Variants in RANBP2 observed in about 807,000 individuals in gnomAD.
The protein encoded by RANBP2 is E3 SUMO-protein ligase RanBP2.
A neutral mutation model predicts 303.6 loss-of-function variants in RANBP2; 57 were observed. That is an observed-to-expected ratio of 0.19 (90% CI 0.15 to 0.23). The LOEUF (loss-of-function observed/expected upper bound fraction) is 0.23. Ranked by LOEUF, RANBP2 falls within the 10% of genes least tolerant of loss-of-function variation. RANBP2 has a pLI of 1.00. For synonymous variants in RANBP2, 1,167 were observed against 1,301.5 expected, an observed-to-expected ratio of 0.90 and a Z score of 2.23; for missense variants, 3,138 against 3,780.8, an observed-to-expected ratio of 0.83 and a Z score of 4.46.
At chr2:108,831,543 C>T in the RANBP2 span, among the ~76,000 whole-genome samples, 1 of 152,080 alleles carries the variant, frequency 6.6e-6, no homozygotes, top group Non-Finnish European at 1.5e-5. Flanking sequence ...TAGGAAAAGA[C>T]AGTGTTTGCT....
chr2:109,459,279 TAC>T, the RANBP2 span, among the ~76,000 whole-genome samples: 1 of 151,770 alleles, frequency 6.6e-6, no homozygotes, highest in South Asian at 2.1e-4. Context: ...AGGAAATACT[TAC>T]AACAGTTACA....
At chr2:109,603,337 C>T in the RANBP2 span, among the ~76,000 whole-genome samples, 4 of 151,986 alleles carry the variant, frequency 2.6e-5, no homozygotes, top group African/African-American at 7.2e-5. Context: ...TGGGTTCACG[C>T]CATTCTCCTG....
chr2:109,229,703 A>G, the RANBP2 span, among the ~76,000 whole-genome samples: 7 of 152,210 alleles, frequency 4.6e-5, no homozygotes, highest in African/African-American at 1.7e-4. Flanking sequence ...GACTACATCT[A>G]GGTACCTCGT....
chr2:109,128,615 G>C, the RANBP2 span: 1 of 154,562 alleles, frequency 6.5e-6, no homozygotes, highest in East Asian at 1.9e-4. Flanking sequence ...CGCGCTTCTC[G>C]GAAAGGAGTC....
intron 19 of RANBP2, among the ~76,000 whole-genome samples, chr2:108,762,859 A>G (rs1265520619): frequency 6.6e-6 from 1 of 152,170 alleles, no homozygotes; most frequent in Non-Finnish European, 1.5e-5. Context: ...GGAATGAAGA[A>G]GGTATTTATT....
chr2:109,253,942 C>A, the RANBP2 span, among the ~76,000 whole-genome samples: 2 of 152,040 alleles, frequency 1.3e-5, no homozygotes, highest in African/African-American at 4.8e-5. Flanking sequence ...TTCCACAGCT[C>A]TTAAGGCTGT....
chr2:108,796,984 CAAAG>C, the RANBP2 span, among the ~76,000 whole-genome samples: 1 of 152,128 alleles, frequency 6.6e-6, no homozygotes, highest in Non-Finnish European at 1.5e-5. Flanking sequence ...GTTCTCAACA[CAAAG>C]AAAGAATAAA....
the RANBP2 span, among the ~76,000 whole-genome samples, chr2:109,142,763 C>T: frequency 1.3e-5 from 2 of 152,128 alleles, no homozygotes; most frequent in Non-Finnish European, 1.5e-5. Context: ...GCCAAAGCAT[C>T]GAGGATTGTT....
the RANBP2 span, among the ~76,000 whole-genome samples, chr2:109,412,860 G>T: frequency 6.6e-5 from 10 of 152,200 alleles, no homozygotes; most frequent in African/African-American, 2.4e-4. Context: ...GAAAATACAC[G>T]TATCACTGTC....
the RANBP2 span, chr2:109,614,137 G>C: frequency 8.3e-7 from 1 of 1,202,676 alleles, no homozygotes; most frequent in African/African-American, 1.6e-5. Flanking sequence ...TGGGACTCCA[G>C]GAAGACGGCG....
At chr2:109,350,717 G>A in the RANBP2 span, among the ~76,000 whole-genome samples, 16 of 152,344 alleles carry the variant, frequency 1.1e-4, no homozygotes, top group African/African-American at 2.4e-4. Flanking sequence ...CAGCTGAGAC[G>A]CACACACTGG....
the RANBP2 span, among the ~76,000 whole-genome samples, chr2:108,842,377 C>A: frequency 6.6e-6 from 1 of 152,022 alleles, no homozygotes; most frequent in Non-Finnish European, 1.5e-5. Flanking sequence ...CTGGGAGTTA[C>A]ATGGCAAACC....
the RANBP2 span, among the ~76,000 whole-genome samples, chr2:108,826,305 A>T: frequency 6.6e-6 from 1 of 152,090 alleles, no homozygotes; most frequent in Admixed American, 6.6e-5. Flanking sequence ...TATGTTTTGC[A>T]TCATGTTTAA....
chr2:109,615,615 A>G, the RANBP2 span: 1 of 1,613,474 alleles, frequency 6.2e-7, no homozygotes, highest in Non-Finnish European at 8.5e-7. Flanking sequence ...CTACAGTGGG[A>G]AAAAGGCCTC....
chr2:108,879,435 A>G, the RANBP2 span, among the ~76,000 whole-genome samples: 1 of 152,236 alleles, frequency 6.6e-6, no homozygotes, highest in African/African-American at 2.4e-5. Context: ...TGCAGTTAGC[A>G]TGAATCTGGT....
the RANBP2 span, among the ~76,000 whole-genome samples, chr2:108,867,234 TAGA>T: frequency 4.7e-3 from 719 of 152,216 alleles, 7 homozygotes; most frequent in South Asian, 0.023. Flanking sequence ...CTAAGTCTTT[TAGA>T]AGAAGAAGAG....
the RANBP2 span, chr2:109,567,945 T>A: frequency 6.2e-7 from 1 of 1,613,140 alleles, no homozygotes; most frequent in Non-Finnish European, 8.5e-7. Context: ...AGAAACCGTA[T>A]CTGCTTTGGC....
chr2:109,693,217 G>A, the RANBP2 span, among the ~76,000 whole-genome samples: 3,527 of 149,224 alleles, frequency 0.024, 137 homozygotes, highest in African/African-American at 0.082. Flanking sequence ...TCACTCTATC[G>A]CCCAGGCTGG....
At chr2:109,231,049 G>C in the RANBP2 span, among the ~76,000 whole-genome samples, 2 of 152,266 alleles carry the variant, frequency 1.3e-5, no homozygotes, top group African/African-American at 4.8e-5. Context: ...CACGGACAGA[G>C]CAGCAGAGTT....
Sources: gnomAD v4.1 joint callset for allele counts (sites outside exome capture counted in the v4.1 genomes callset) on GRCh38, gnomAD v4.1.1 for gene constraint, MANE v1.5 for transcripts, NCBI Gene and HGNC (gene_info 2026-07-23, HGNC 2026-07-21) for gene names.